The following BTBD7 variants were observed in gnomAD, a reference collection of about 807,000 sequenced individuals.
The protein encoded by BTBD7 is BTB domain containing 7.
In BTBD7, 38 loss-of-function variants were observed where a neutral mutation model predicts 99.9. The observed-to-expected ratio is 0.38, with a 90% CI of 0.29 to 0.50. BTBD7 has a LOEUF of 0.50. BTBD7 is among the 20% of genes least tolerant of loss of function. BTBD7 has a pLI of 0.93. For synonymous variants in BTBD7, 520 were observed against 511.4 expected (o/e 1.02, Z -0.23); for missense variants, 1,170 against 1,394.6 (o/e 0.84, Z 2.57).
At chr14:93,296,278 C>T (rs2052925907) in intron 1 of BTBD7, 121 bp from the exon 2 acceptor site, 5 of 648,606 alleles carry the variant, frequency 7.7e-6, no homozygotes, top group Non-Finnish European at 1.1e-5. Flanking sequence ...GTCAAATTCA[C>T]ATGTCAAATT....
intron 7 of BTBD7, 49 bp downstream of exon 7, chr14:93,253,598 A>G (rs764463791): frequency 1.3e-6 from 2 of 1,530,378 alleles, no homozygotes; most frequent in South Asian, 2.6e-5. Context: ...CACTTTGTGC[A>G]TATGGTTTGT....
intron 3 of BTBD7, among the ~76,000 whole-genome samples, chr14:93,271,612 A>G (rs2052601700): frequency 6.6e-6 from 1 of 152,196 alleles, no homozygotes; most frequent in African/African-American, 2.4e-5. Context: ...AAATTAAGAA[A>G]TAATGGAAGT....
rs910202603 is a variant in BTBD7, at chr14:93,242,667, T to G, written c.3005A>C (p.Gln1002Pro). 8.7e-6 allele frequency: 14 copies of G among 1,614,096 alleles called. No homozygotes were observed. Among genetic ancestry groups the G allele is most frequent in the Admixed American group, 5.0e-5 (3 of 60,008 alleles). ...YLPGQTSPKK[Q>P]EEARREYPLS... is the part of the protein sequence containing the mutation. ...TGGATATTCTCTCCTAGCTTCTTCC[T>G]GTTTTTTAGGAGACGTCTGACCAGG... The change falls in exon 11 of 11, where the codon CAG (glutamine) becomes CCG (proline). Residue 1002 changes from glutamine (Q) to proline (P), a missense_variant. Gln to Pro is a moderately conservative substitution (Grantham distance 76). Coordinates refer to ENST00000334746, the MANE Select transcript of BTBD7 (RefSeq NM_001002860.4).
intron 8 of BTBD7, 35 bp from the exon 9 acceptor site, chr14:93,248,689 C>T: frequency 6.5e-7 from 1 of 1,542,272 alleles, no homozygotes; most frequent in East Asian, 2.4e-5. Flanking sequence ...AGCAAAATTC[C>T]TGAGCTACAC....
At chr14:93,326,346 A>C (rs1341279226) in intron 1 of BTBD7, among the ~76,000 whole-genome samples, 2 of 152,160 alleles carry the variant, frequency 1.3e-5, no homozygotes, top group Non-Finnish European at 2.9e-5. Context: ...ACATGCCCAT[A>C]GTCCCAGGTG....
At chr14:93,283,200 C>A (rs1333118193) in intron 3 of BTBD7, among the ~76,000 whole-genome samples, 1 of 152,128 alleles carries the variant, frequency 6.6e-6, no homozygotes, top group East Asian at 1.9e-4. Flanking sequence ...ACCTCAGCCT[C>A]CTGAGGAGCT....
chr14:93,317,846 A>G (rs1465439746), intron 1 of BTBD7, among the ~76,000 whole-genome samples: 1 of 152,216 alleles, frequency 6.6e-6, no homozygotes, highest in African/African-American at 2.4e-5. Context: ...ATTTGGTACA[A>G]GCTAGACAGA....
At chr14:93,304,310 T>C (rs2053044249) in intron 1 of BTBD7, among the ~76,000 whole-genome samples, 1 of 152,208 alleles carries the variant, frequency 6.6e-6, no homozygotes, top group South Asian at 2.1e-4. Context: ...ACTCTAGATT[T>C]AGAGATGGTG....
chr14:93,254,797 A>C (rs2052411190), intron 6 of BTBD7, among the ~76,000 whole-genome samples: 1 of 152,248 alleles, frequency 6.6e-6, no homozygotes, highest in African/African-American at 2.4e-5. Flanking sequence ...TGCTTAGCAC[A>C]TACTAAGAGA....
intron 1 of BTBD7, among the ~76,000 whole-genome samples, chr14:93,315,195 T>TA (rs1159663135): frequency 1.3e-5 from 2 of 152,176 alleles, no homozygotes; most frequent in Admixed American, 1.3e-4. Context: ...ATCTCCAAAT[T>TA]AGAGTATGTG....
intron 6 of BTBD7, 42 bp from the exon 7 acceptor site, chr14:93,253,832 C>T: frequency 1.1e-5 from 11 of 963,546 alleles, no homozygotes; most frequent in Non-Finnish European, 1.5e-5. Context: ...CTGTGTAGTA[C>T]TATAATACTA....
chr14:93,331,585 T>C (rs2053411351), intron 1 of BTBD7, among the ~76,000 whole-genome samples: 1 of 152,198 alleles, frequency 6.6e-6, no homozygotes, highest in Non-Finnish European at 1.5e-5. Context: ...GGACAAAAGA[T>C]TGTTAGTTGA....
intron 1 of BTBD7, among the ~76,000 whole-genome samples, chr14:93,324,436 G>C (rs924618357): frequency 1.2e-5 from 1 of 86,272 alleles, no homozygotes; most frequent in Non-Finnish European, 2.2e-5. Flanking sequence ...AAAAAAAAAA[G>C]AGATTTTTGA....
intron 1 of BTBD7, among the ~76,000 whole-genome samples, chr14:93,303,025 A>G (rs1279964135): frequency 6.6e-6 from 1 of 152,136 alleles, no homozygotes; most frequent in Non-Finnish European, 1.5e-5. Context: ...AAAAAGAGGT[A>G]AGTCTCAAAT....
chr14:93,265,883 C>T (rs1164119551), intron 3 of BTBD7, among the ~76,000 whole-genome samples: 1 of 152,224 alleles, frequency 6.6e-6, no homozygotes, highest in Non-Finnish European at 1.5e-5. Context: ...GATCGCACCA[C>T]TGCACTCCAG....
intron 1 of BTBD7, among the ~76,000 whole-genome samples, chr14:93,303,280 C>T (rs2053026971): frequency 6.6e-6 from 1 of 152,134 alleles, no homozygotes; most frequent in African/African-American, 2.4e-5. Flanking sequence ...ATAACACCTA[C>T]TTTACAAGGT....
chr14:93,253,726 G>A lies in BTBD7; in HGVS notation c.1673C>T (p.Ser558Leu). 8 of 1,613,230 alleles carry A rather than the reference G, an allele frequency of 5.0e-6. No individual in the cohort carries two copies. Among genetic ancestry groups the A allele is most frequent in the Non-Finnish European group, 6.8e-6 (8 of 1,179,466 alleles). The change falls in exon 7 of 11, where the codon TCA becomes TTA. Residue 558 changes from serine (S) to leucine (L), a missense_variant. Coordinates refer to ENST00000334746, the MANE Select transcript of BTBD7 (RefSeq NM_001002860.4). ...DMLPTTEGGK[S>L]NAWLRQKNAG... ...ATTTTTTTGCCGTAACCAGGCATTT[G>A]ACTTCCCACCTTCTGTTGTAGGAAG...
rs781227171 is a variant in BTBD7, at chr14:93,240,647, T to C, written c.*1626A>G. 6.6e-6 allele frequency: 1 copy of C among 152,646 alleles called. No individual in the cohort carries two copies. Among genetic ancestry groups the C allele is most frequent in the Non-Finnish European group, 1.5e-5 (1 of 68,042 alleles). 9.5% of individuals were successfully genotyped at this position (152,646 alleles called of 1,614,324 possible). On this transcript the variant is annotated 3_prime_UTR_variant, in exon 11 of 11. Transcript: ENST00000334746. ...TCTAAGTGCTACGGCTGTGTGTTTA[T>C]GTGTTTGTAAAAATACAAAGTAAAT...
Position 93,263,919 on chromosome 14 carries a change from A to G in BTBD7, c.1237T>C (p.Tyr413His), listed in dbSNP as rs746109107. ...IAILKWSSHP[Y>H]GSKWVHRQAL... ...TGTCGGTGCACCCATTTAGAGCCAT[A>G]TGGATGAGAACTCCACTTGAGGATG... Residue 413 changes from tyrosine (Y) to histidine (H), a missense_variant, in exon 4 of 11, where the codon TAT (tyrosine) becomes CAT (histidine). Physicochemically the swap from Tyr to His is moderately conservative, Grantham distance 83. Coordinates refer to ENST00000334746, the MANE Select transcript of BTBD7 (RefSeq NM_001002860.4). 2.5e-6 allele frequency: 4 copies of G among 1,614,226 alleles called. No individual in the cohort carries two copies. The highest frequency in any genetic ancestry group is 3.4e-6 in the Non-Finnish European group (4 of 1,180,030).
Sources: allele counts gnomAD v4.1 joint callset (sites outside exome capture counted in the v4.1 genomes callset), GRCh38; gene constraint gnomAD v4.1.1; transcripts MANE v1.5; gene names NCBI Gene and HGNC (gene_info 2026-07-23, HGNC 2026-07-21).